Variants in OPRM1 observed in about 807,000 individuals in gnomAD.
OPRM1 encodes the protein mu-type opioid receptor.
Under a neutral mutation model 31.8 loss-of-function variants are expected in OPRM1, and 27 were observed. The observed-to-expected ratio is 0.85, with a 90% CI of 0.63 to 1.17. The LOEUF is 1.17. Ranked by LOEUF, OPRM1 falls within the 50% of genes most tolerant of loss-of-function variation. The pLI is 0.00. For missense variants in OPRM1, 536 were observed against 511.1 expected, an observed-to-expected ratio of 1.05 and a Z score of -0.47; for synonymous variants, 196 against 189.9, an observed-to-expected ratio of 1.03 and a Z score of -0.26.
chr6:154,089,910 C>G lies in OPRM1; in HGVS notation c.375C>G (p.Phe125Leu), dbSNP rs77806090. The change falls in exon 2 of 4, where the codon TTC becomes TTG. Residue 125 changes from phenylalanine to leucine, a missense_variant. Physicochemically the swap from Phe to Leu is conservative, Grantham distance 22 (BLOSUM62 0). Transcript: ENST00000330432. ...ADALATSTLPFQSVNYLMGTW... is the reference protein window; with the variant it reads ...ADALATSTLPLQSVNYLMGTW... ...CCTTAGCCACCAGTACCCTGCCCTTCCAGAGTGTGAATTACCTAATGGGAA... is the reference window on the plus strand; with the variant it reads ...CCTTAGCCACCAGTACCCTGCCCTTGCAGAGTGTGAATTACCTAATGGGAA... 5.4e-5 allele frequency: 87 copies of G among 1,613,974 alleles called. No homozygotes were observed. Among genetic ancestry groups the G allele is most frequent in the Admixed American group, 8.3e-5 (5 of 59,994 alleles).
chr6:154,021,373 A>G (rs1778356677), intron 1 of OPRM1, among the ~76,000 whole-genome samples: 1 of 152,158 alleles, frequency 6.6e-6, no homozygotes, highest in Admixed American at 6.5e-5. Context: ...GCTTTATAGT[A>G]AGTCTTGAAG....
chr6:154,092,418 G>A (rs773273170), intron 3 of OPRM1, among the ~76,000 whole-genome samples: 2 of 152,162 alleles, frequency 1.3e-5, no homozygotes, highest in African/African-American at 2.4e-5. Context: ...AAAAATCACA[G>A]CCTGTATAAT....
intron 3 of OPRM1, among the ~76,000 whole-genome samples, chr6:154,190,507 A>G (rs1320114114): frequency 6.6e-6 from 1 of 152,136 alleles, no homozygotes; most frequent in African/African-American, 2.4e-5. Flanking sequence ...CACAGAAAAC[A>G]CCAAACGTTG....
At chr6:154,231,605 G>A (rs1028532069) in intron 3 of OPRM1, among the ~76,000 whole-genome samples, 1 of 152,214 alleles carries the variant, frequency 6.6e-6, no homozygotes, top group Non-Finnish European at 1.5e-5. Context: ...AAAAAGTAAG[G>A]TGCAGTACTA....
chr6:154,209,853 T>G (rs1165766088), intron 3 of OPRM1, among the ~76,000 whole-genome samples: 2 of 152,194 alleles, frequency 1.3e-5, no homozygotes. Flanking sequence ...AACGTTTATC[T>G]GACGATTTCC....
exon 1 of OPRM1, chr6:154,010,613 A>G: frequency 6.6e-7 from 1 of 1,520,688 alleles, no homozygotes; most frequent in Non-Finnish European, 8.9e-7. Context: ...GATCTGTCAC[A>G]ATATTGTATG....
At chr6:154,047,454 CTCTCTCTCTCTCTG>C (rs1179662723) in intron 1 of OPRM1, among the ~76,000 whole-genome samples, 1 of 152,138 alleles carries the variant, frequency 6.6e-6, no homozygotes, top group Non-Finnish European at 1.5e-5. Flanking sequence ...CTCTCTCTCT[CTCTCTCTCTCTCTG>C]TCTCTCATTC....
In OPRM1 at chr6:154,099,348, C is replaced by A. The variant is rs201713846; in HGVS notation, c.1164+7876C>A. Among the ~76,000 whole-genome samples the A allele has an allele frequency of 2.3e-3, 292 of 124,766 alleles. 1 individual carries two copies. Among genetic ancestry groups the A allele is most frequent in the Middle Eastern group, 0.012 (3 of 246 alleles). The allele number at this position is 124,766 out of a possible 152,430, so 81.9% of individuals were successfully genotyped here. On this transcript the variant is annotated intron_variant, in intron 3 of 3. Coordinates refer to ENST00000330432, the MANE Select transcript of OPRM1 (RefSeq NM_000914.5). ...GGAAGGAAGGGAGGGAGGAAGAGAG[C>A]GAGAGAGAGAGAGAGAGAGAAAGAA...
At chr6:154,110,608 G>A (rs1429954266) in intron 3 of OPRM1, among the ~76,000 whole-genome samples, 1 of 152,048 alleles carries the variant, frequency 6.6e-6, no homozygotes, top group African/African-American at 2.4e-5. Context: ...GGACTCATTG[G>A]CCGGGCACGG....
At chr6:154,054,149 C>T (rs1008563369) in intron 1 of OPRM1, among the ~76,000 whole-genome samples, 17 of 152,080 alleles carry the variant, frequency 1.1e-4, no homozygotes, top group African/African-American at 4.1e-4. Context: ...GCCGGCGGAT[C>T]ACGAGGTCAG....
chr6:154,202,685 A>G (rs548080302), intron 3 of OPRM1, among the ~76,000 whole-genome samples: 21 of 152,324 alleles, frequency 1.4e-4, no homozygotes, highest in African/African-American at 4.8e-4. Context: ...ATTGAACCTC[A>G]AAACTCTGCT....
intron 3 of OPRM1, among the ~76,000 whole-genome samples, chr6:154,237,637 G>C (rs1162929991): frequency 6.6e-6 from 1 of 152,144 alleles, no homozygotes; most frequent in African/African-American, 2.4e-5. Context: ...CAAGAAAATA[G>C]ACGCATAGAC....
At chr6:154,020,539 GGTTT>G (rs1778305725) in intron 1 of OPRM1, among the ~76,000 whole-genome samples, 1 of 152,164 alleles carries the variant, frequency 6.6e-6, no homozygotes, top group South Asian at 2.1e-4. Context: ...TTGTAAAGAA[GGTTT>G]GTTTGAGAAA....
chr6:154,032,875 G>C (rs981747222), intron 1 of OPRM1, among the ~76,000 whole-genome samples: 1 of 152,196 alleles, frequency 6.6e-6, no homozygotes, highest in Non-Finnish European at 1.5e-5. Context: ...AATGCTTTGG[G>C]CATGTTGTAT....
At chr6:154,139,750 C>T (rs1005690650) in intron 3 of OPRM1, among the ~76,000 whole-genome samples, 3 of 152,072 alleles carry the variant, frequency 2.0e-5, no homozygotes, top group Non-Finnish European at 4.4e-5. Flanking sequence ...CACTTAAGGC[C>T]CCTGGTAAGT....
At chr6:154,093,343 A>G (rs1583500294) in intron 3 of OPRM1, 2 of 1,614,058 alleles carry the variant, frequency 1.2e-6, no homozygotes, top group Non-Finnish European at 1.7e-6. Context: ...GGACCACTGC[A>G]AGGACCTCTT....
At chr6:154,111,160 A>G (rs1423035027) in intron 3 of OPRM1, among the ~76,000 whole-genome samples, 1 of 152,170 alleles carries the variant, frequency 6.6e-6, no homozygotes, top group Non-Finnish European at 1.5e-5. Context: ...GAGCCCTTGT[A>G]CTATAGATTC....
At chr6:154,015,150 G>T (rs2128377375) in intron 1 of OPRM1, among the ~76,000 whole-genome samples, 1 of 152,112 alleles carries the variant, frequency 6.6e-6, no homozygotes, top group East Asian at 1.9e-4. Context: ...AAAACCACCA[G>T]GTTTTTCTTT....
rs566234163 is a variant in OPRM1, at chr6:154,125,468, T to C, written c.*6747T>C. On this transcript the variant is annotated 3_prime_UTR_variant, in exon 4 of 4. Coordinates refer to ENST00000330432, the MANE Select transcript of OPRM1 (RefSeq NM_000914.5). Reference sequence around the variant, plus strand: ...AACTAAAAGTATTACATTCTTAGCATAAGTATACTCATAAAGAAAAATAAG... The same window carrying C: ...AACTAAAAGTATTACATTCTTAGCACAAGTATACTCATAAAGAAAAATAAG... 7.2e-5 allele frequency among the ~76,000 whole-genome samples: 11 copies of C among 152,356 alleles called. No individual in the cohort carries two copies. The South Asian group carries it at 2.3e-3, about 32-fold the overall frequency.
Sources: gnomAD v4.1 joint callset for allele counts (sites outside exome capture counted in the v4.1 genomes callset) on GRCh38, gnomAD v4.1.1 for gene constraint, MANE v1.5 for transcripts, NCBI Gene and HGNC (gene_info 2026-07-23, HGNC 2026-07-21) for gene names.